KIAA1217: variants seen among roughly 807,000 people sequenced by gnomAD.
The protein encoded by KIAA1217 is sickle tail protein homolog.
KIAA1217 carries 88 observed loss-of-function variants against 163.9 expected under a neutral mutation model. The ratio of observed to expected loss-of-function variants is 0.54; its 90% CI spans 0.45 to 0.64. The LOEUF (loss-of-function observed/expected upper bound fraction) is 0.64. Among genes scored for constraint, KIAA1217 ranks in the 30% least tolerant of loss-of-function variants. The pLI is 0.00. For synonymous variants in KIAA1217, 903 were observed against 923.1 expected, an observed-to-expected ratio of 0.98 and a Z score of 0.39; for missense variants, 2,372 against 2,475.0, an observed-to-expected ratio of 0.96 and a Z score of 0.88.
chr10:23,948,463 A>G (rs1844161631), intron 1 of KIAA1217, among the ~76,000 whole-genome samples: 1 of 152,204 alleles, frequency 6.6e-6, no homozygotes, highest in Non-Finnish European at 1.5e-5. Flanking sequence ...CCACTTTGTT[A>G]ACTACATACC....
At chr10:24,493,911 C>T (rs1426100422) in intron 6 of KIAA1217, among the ~76,000 whole-genome samples, 6 of 152,128 alleles carry the variant, frequency 3.9e-5, no homozygotes, top group Admixed American at 6.5e-5. Context: ...CTGCCCACCT[C>T]GGCTTCCCAA....
At chr10:23,758,550 T>A (rs775082458) in intron 1 of KIAA1217, among the ~76,000 whole-genome samples, 16 of 152,218 alleles carry the variant, frequency 1.1e-4, no homozygotes, top group Non-Finnish European at 1.2e-4. Flanking sequence ...CAATTCTACA[T>A]GAATTTTGGG....
In KIAA1217 at chr10:24,380,926, G is replaced by A. The variant is rs766216064; in HGVS notation, c.412G>A (p.Glu138Lys). 1.4e-5 allele frequency: 23 copies of A among 1,606,332 alleles called. No homozygotes were observed. Among genetic ancestry groups the A allele is most frequent in the African/African-American group, 2.7e-5 (2 of 74,822 alleles). The change falls in exon 3 of 21, where the codon GAG becomes AAG. Residue 138 changes from glutamate to lysine, a missense_variant. Glu to Lys is a moderately conservative substitution (Grantham distance 56). Transcript: ENST00000376454. ...ACCACCCAGTCTGGGTGACCCGGTC[G>A]AGCATTTATCAGAGACGTCCGCTGA... The part of the protein sequence containing the change: ...PQPPSLGDPV[E>K]HLSETSADSL...
chr10:23,887,670 A>T (rs1841242147), intron 1 of KIAA1217, among the ~76,000 whole-genome samples: 1 of 151,788 alleles, frequency 6.6e-6, no homozygotes, highest in African/African-American at 2.4e-5. Context: ...GACAATCCAG[A>T]TGTGATTACC....
Position 24,542,767 on chromosome 10 carries a change from A to C in KIAA1217, c.3609A>C (p.Gln1203His). The C allele has an allele frequency of 6.2e-7, 1 of 1,614,064 alleles. No individual in the cohort carries two copies. ...EYENGPQMEF[Q>H]KVTTGAVRPS... is the part of the protein sequence containing the mutation. ...AAAATGGCCCCCAAATGGAATTCCA[A>C]AAGGTGAGTTCACCAGATCTGGGTT... Residue 1203 changes from glutamine to histidine, a missense_variant, in exon 18 of 21, where the codon CAA (glutamine) becomes CAC (histidine). Transcript: ENST00000376454.
chr10:23,952,222 C>A (rs192444280), intron 1 of KIAA1217, among the ~76,000 whole-genome samples: 2 of 152,294 alleles, frequency 1.3e-5, no homozygotes, highest in African/African-American at 4.8e-5. Context: ...GATGTCTTTG[C>A]CTTCTTCGGG....
Position 24,545,964 on chromosome 10 carries a change from C to T in KIAA1217, c.5472C>T (p.Asn1824=), listed in dbSNP as rs747574703. 14 of 1,614,132 alleles carry T rather than the reference C, an allele frequency of 8.7e-6. No homozygotes were observed. The South Asian group carries it at 1.4e-4, about 16-fold the overall frequency. The change falls in exon 21 of 21, where the codon AAC becomes AAT. Residue 1824 remains asparagine (N), a synonymous_variant. Coordinates refer to ENST00000376454, the MANE Select transcript of KIAA1217 (RefSeq NM_019590.5). ...SLPSSSGDSS[N]LPNPPATKPS... is the part of the protein sequence containing the mutation. ...CCTCTTCTAGTGGTGACAGCTCTAA[C>T]CTCCCTAATCCACCTGCTACTAAAC...
At position 24,248,670 on chromosome 10, in the gene KIAA1217, CAAAAAAAA is replaced by C. The variant is rs929995548; in HGVS notation, c.354+28781_354+28788del. Reference sequence around the variant, plus strand: ...TGGGCAACAAAGCAAGACTCCATCTCAAAAAAAAAAAAAAAAAAAAAAAAAAATGTCCC... The same window carrying C: ...TGGGCAACAAAGCAAGACTCCATCTCAAAAAAAAAAAAAAAAAAATGTCCC... On this transcript the variant is annotated intron_variant, in intron 2 of 20. Transcript: ENST00000376454. Among the ~76,000 whole-genome samples, 4 of 36,476 alleles carry C rather than the reference CAAAAAAAA, an allele frequency of 1.1e-4. No individual in the cohort carries two copies. The East Asian group carries it at 2.6e-3, about 24-fold the overall frequency. The allele number at this position is 36,476 out of a possible 152,430, so 23.9% of individuals were successfully genotyped here.
intron 2 of KIAA1217, among the ~76,000 whole-genome samples, chr10:24,161,981 C>T (rs577311658): frequency 6.6e-6 from 1 of 152,260 alleles, no homozygotes; most frequent in South Asian, 2.1e-4. Flanking sequence ...AAGAAGGAAA[C>T]AGATGCAGTC....
Position 23,754,141 on chromosome 10 carries a change from AG to A in KIAA1217, c.-321+58908del, listed in dbSNP as rs375083983. Among the ~76,000 whole-genome samples, 1,014 of 152,344 alleles carry A rather than the reference AG, an allele frequency of 6.7e-3. 11 individuals are homozygous for A. The highest frequency in any genetic ancestry group is 0.024 in the African/African-American group (978 of 41,574). ...AGCCAGTTCTTTTGTCTCAGAATAT[AG>A]TACAGTGCCTGACATTTAAGAGACA... On this transcript the variant is annotated intron_variant, in intron 1 of 18. Coordinates refer to the KIAA1217 transcript ENST00000376462.
At position 24,381,028 on chromosome 10, in the gene KIAA1217, G is replaced by A. The variant is rs1472407968; in HGVS notation, c.514G>A (p.Val172Met). 1 of 1,601,072 alleles carries A rather than the reference G, an allele frequency of 6.2e-7. No homozygotes were observed. Residue 172 changes from valine (V) to methionine (M), a missense_variant, in exon 3 of 21, where the codon GTG becomes ATG. Val to Met is a conservative substitution (Grantham distance 21). Transcript: ENST00000376454. Reference sequence around the variant, plus strand: ...CAGCCGGACTCGTGCGAGCCTTCCTGTGGTGAGGTCAACCAACCAGACGAA... The same window carrying A: ...CAGCCGGACTCGTGCGAGCCTTCCTATGGTGAGGTCAACCAACCAGACGAA... ...RGSRTRASLP[V>M]VRSTNQTKER...
intron 2 of KIAA1217, among the ~76,000 whole-genome samples, chr10:24,306,707 A>C (rs886855583): frequency 6.6e-6 from 1 of 152,252 alleles, no homozygotes; most frequent in Admixed American, 6.5e-5. Flanking sequence ...TGATAAAAAT[A>C]ACTCAGCTTT....
chr10:23,816,428 G>A (rs1004049078), intron 1 of KIAA1217, among the ~76,000 whole-genome samples: 5 of 149,000 alleles, frequency 3.4e-5, no homozygotes, highest in African/African-American at 9.8e-5. Flanking sequence ...AAGTAGCTGG[G>A]ATTACAGGCA....
At chr10:23,862,594 A>C (rs1840005686) in intron 1 of KIAA1217, among the ~76,000 whole-genome samples, 1 of 152,136 alleles carries the variant, frequency 6.6e-6, no homozygotes, top group Admixed American at 6.6e-5. Flanking sequence ...CTTTTATCCA[A>C]ACAGATTGAA....
intron 3 of KIAA1217, among the ~76,000 whole-genome samples, chr10:24,407,444 CCAT>C (rs2057345042): frequency 6.6e-6 from 1 of 152,122 alleles, no homozygotes; most frequent in Non-Finnish European, 1.5e-5. Flanking sequence ...GAGATTCACA[CCAT>C]CAAGCTCAAC....
chr10:23,729,958 G>A (rs1838383373), intron 1 of KIAA1217, among the ~76,000 whole-genome samples: 1 of 151,476 alleles, frequency 6.6e-6, no homozygotes, highest in Admixed American at 6.6e-5. Flanking sequence ...CTGGAGTGCA[G>A]TGGCACGATC....
intron 2 of KIAA1217, among the ~76,000 whole-genome samples, chr10:24,338,192 CA>C (rs2133760688): frequency 6.6e-6 from 1 of 152,228 alleles, no homozygotes; most frequent in South Asian, 2.1e-4. Flanking sequence ...TAGGTTCTGC[CA>C]ATGCAGAGGA....
chr10:24,033,665 A>G (rs1243556618), intron 2 of KIAA1217, among the ~76,000 whole-genome samples: 2 of 152,238 alleles, frequency 1.3e-5, no homozygotes, highest in African/African-American at 2.4e-5. Flanking sequence ...AGGGAGGCAA[A>G]ATATCCATAT....
rs2063711953 is a variant in KIAA1217 at position 24,473,208 on chromosome 10, A to G, written c.847-20A>G. The G allele has an allele frequency of 6.7e-6, 10 of 1,485,512 alleles. No homozygotes were observed. The highest frequency in any genetic ancestry group is 9.0e-6 in the Non-Finnish European group (10 of 1,107,766). The allele number at this position is 1,485,512 out of a possible 1,614,324, so 92.0% of individuals were successfully genotyped here. A position where few individuals can be genotyped will look rare whatever the true frequency, so the allele number is the denominator to read the frequency against. On this transcript the variant is annotated intron_variant, in intron 5 of 20. Coordinates refer to ENST00000376454, the MANE Select transcript of KIAA1217 (RefSeq NM_019590.5). ...CACGAATATCAAAGTCAACTTTCTG[A>G]TCCCTTGTTTTCTTTTCAGATGCAG...
Sources: allele counts gnomAD v4.1 joint callset (sites outside exome capture counted in the v4.1 genomes callset), GRCh38; gene constraint gnomAD v4.1.1; transcripts MANE v1.5; gene names NCBI Gene and HGNC (gene_info 2026-07-23, HGNC 2026-07-21).